The following DNAH3 variants were observed in gnomAD, a reference collection of about 807,000 sequenced individuals.
DNAH3 encodes the protein axonemal beta dynein heavy chain 3.
In DNAH3, 332 loss-of-function variants were observed where a neutral mutation model predicts 432.5. The ratio of observed to expected loss-of-function variants is 0.77; its 90% CI spans 0.70 to 0.84. The LOEUF is 0.84. DNAH3 is among the 40% of genes least tolerant of loss of function. DNAH3 has a pLI of 0.00. For missense variants in DNAH3, 4,861 were observed against 5,114.0 expected (o/e 0.95, Z 1.51); for synonymous variants, 1,956 against 1,900.2 (o/e 1.03, Z -0.76).
chr16:21,127,560 C>CA (rs878966644), intron 8 of DNAH3, 127 bp downstream of exon 9: 65,401 of 903,606 alleles, frequency 0.072, no homozygotes, highest in East Asian at 0.083. Context: ...GACTCTGTCT[C>CA]AAAAAAAAAA....
chr16:20,935,800 G>A (rs569845003), intron 60 of DNAH3, among the ~76,000 whole-genome samples: 84 of 149,758 alleles, frequency 5.6e-4, no homozygotes, highest in African/African-American at 2.0e-3. Context: ...CCAAGATCAT[G>A]CCATTGCACT....
intron 39 of DNAH3, 144 bp downstream of exon 39, chr16:21,024,452 A>T (rs2088429700): frequency 8.4e-6 from 5 of 592,442 alleles, no homozygotes; most frequent in South Asian, 7.3e-5. Flanking sequence ...GGCAGCCAGG[A>T]AACAAGATAA....
Position 21,069,383 on chromosome 16 carries a change from C to G in DNAH3, c.3381+32G>C, listed in dbSNP as rs752373470. 1.1e-5 allele frequency: 17 copies of G among 1,577,620 alleles called. No homozygotes were observed. In the African/African-American group the frequency reaches 1.9e-4, roughly 18 times the overall value. On this transcript the variant is annotated intron_variant, in intron 23 of 61. Coordinates refer to ENST00000261383, the Ensembl canonical transcript of DNAH3. ...TAATGAGGAAACATTTGTATTTCTG[C>G]TGGTAAGAGTTATTAGGGTATAAAA... is the stretch of plus-strand genomic sequence containing the variant.
chr16:20,985,361 T>C, exon 48 of DNAH3: 1 of 1,614,212 alleles, frequency 6.2e-7, no homozygotes. Context: ...TAGTTCTTGG[T>C]GATCTCAATC....
At chr16:21,060,016 C>T (rs1258012727) in intron 26 of DNAH3, among the ~76,000 whole-genome samples, 1 of 152,176 alleles carries the variant, frequency 6.6e-6, no homozygotes, top group Non-Finnish European at 1.5e-5. Flanking sequence ...ACAAAAAGGA[C>T]TGGTCCGTGG....
chr16:21,100,217 G>T (rs756060011), intron 16 of DNAH3, among the ~76,000 whole-genome samples: 19 of 152,004 alleles, frequency 1.2e-4, no homozygotes, highest in Admixed American at 2.0e-4. Context: ...GATTATAGGT[G>T]CCCGCCACCA....
intron 38 of DNAH3, among the ~76,000 whole-genome samples, chr16:21,026,333 G>A (rs1039212277): frequency 6.6e-6 from 1 of 152,084 alleles, no homozygotes; most frequent in Admixed American, 6.6e-5. Flanking sequence ...GCAAATTAAC[G>A]CAGGAACAGA....
intron 12 of DNAH3, among the ~76,000 whole-genome samples, chr16:21,115,693 C>T (rs1240753087): frequency 2.7e-5 from 4 of 147,478 alleles, no homozygotes; most frequent in African/African-American, 1.0e-4. Flanking sequence ...GGTGACAGAG[C>T]GAGATGCCAT....
chr16:20,938,627 C>T (rs909213715), intron 59 of DNAH3, among the ~76,000 whole-genome samples: 2 of 141,232 alleles, frequency 1.4e-5, no homozygotes, highest in South Asian at 2.2e-4. Context: ...GCTGAACTGT[C>T]GCTGAATCAT....
intron 1 of DNAH3, among the ~76,000 whole-genome samples, chr16:21,154,287 C>T (rs2092884730): frequency 6.6e-6 from 1 of 152,318 alleles, no homozygotes; most frequent in Admixed American, 6.5e-5. Flanking sequence ...CACCAGTAAT[C>T]CCAGCTTCTT....
At chr16:21,052,939 C>T (rs1200951490) in intron 28 of DNAH3, among the ~76,000 whole-genome samples, 5 of 152,190 alleles carry the variant, frequency 3.3e-5, no homozygotes, top group Admixed American at 6.5e-5. Context: ...CTGGGAGATA[C>T]ATTTCTAGCT....
At chr16:21,104,687 G>T in intron 15 of DNAH3, 93 bp from the exon 16 acceptor site, 1 of 716,796 alleles carries the variant, frequency 1.4e-6, no homozygotes. Flanking sequence ...GAGGTCAACA[G>T]GAGTGGTGTG....
chr16:20,955,054 G>A (rs2084500561), exon 55 of DNAH3: 1 of 1,602,976 alleles, frequency 6.2e-7, no homozygotes, highest in Non-Finnish European at 8.5e-7. Flanking sequence ...TGGTTAGCCA[G>A]AGTCTGGAAG....
At position 21,141,382 on chromosome 16, in the gene DNAH3, T is replaced by C. The variant is rs2092717007; in HGVS notation, c.449-10A>G. ...GATGAGCTTCTATTTCCTGGAAGAA[T>C]GGAGAAGAAAGACATCAGTGATGGG... On this transcript the variant is annotated splice_polypyrimidine_tract_variant and intron_variant, in intron 3 of 61. Transcript: ENST00000261383. The C allele has an allele frequency of 3.2e-6, 5 of 1,580,826 alleles. No individual in the cohort carries two copies. The Admixed American group carries it at 7.1e-5, about 23-fold the overall frequency.
At chr16:21,119,729 T>C (rs1395371248) in intron 11 of DNAH3, among the ~76,000 whole-genome samples, 1 of 151,948 alleles carries the variant, frequency 6.6e-6, no homozygotes, top group African/African-American at 2.4e-5. Context: ...CCCGAGTAGC[T>C]GGGACTACAG....
intron 55 of DNAH3, among the ~76,000 whole-genome samples, chr16:20,952,922 C>T (rs980689124): frequency 3.9e-5 from 6 of 152,074 alleles, no homozygotes; most frequent in East Asian, 1.9e-4. Flanking sequence ...AACAGAGCCA[C>T]GTTGGTTCTG....
At chr16:21,046,041 A>G (rs1597230976) in intron 31 of DNAH3, among the ~76,000 whole-genome samples, 1 of 151,812 alleles carries the variant, frequency 6.6e-6, no homozygotes, top group Non-Finnish European at 1.5e-5. Flanking sequence ...TCTGAGAGAT[A>G]GTTTGTTATA....
chr16:21,069,123 AG>A (rs1317653650), intron 23 of DNAH3, among the ~76,000 whole-genome samples: 3 of 151,360 alleles, frequency 2.0e-5, no homozygotes, highest in Non-Finnish European at 4.4e-5. Flanking sequence ...GTGTGTTTTT[AG>A]TAGAGATGCG....
intron 59 of DNAH3, among the ~76,000 whole-genome samples, chr16:20,937,775 C>T (rs1242538577): frequency 6.6e-6 from 1 of 152,066 alleles, no homozygotes; most frequent in Non-Finnish European, 1.5e-5. Flanking sequence ...ATCCTCCCAC[C>T]TCAGCCTCCC....
Sources: allele counts gnomAD v4.1 joint callset (sites outside exome capture counted in the v4.1 genomes callset), GRCh38; gene constraint gnomAD v4.1.1; transcripts MANE v1.5; gene names NCBI Gene and HGNC (gene_info 2026-07-23, HGNC 2026-07-21).